MTREX: variants seen among roughly 807,000 people sequenced by gnomAD.
MTREX encodes the protein exosome RNA helicase MTR4.
Under a neutral mutation model 135.4 loss-of-function variants are expected in MTREX, and 76 were observed. That is an observed-to-expected ratio of 0.56 (90% CI 0.47 to 0.68). MTREX has a LOEUF of 0.68. Ranked by LOEUF, MTREX falls within the 30% of genes least tolerant of loss-of-function variation. The pLI is 0.00. For synonymous variants in MTREX, 404 were observed against 401.6 expected, an observed-to-expected ratio of 1.01 and a Z score of -0.07; for missense variants, 920 against 1,262.1, an observed-to-expected ratio of 0.73 and a Z score of 4.11.
At chr5:55,344,969 G>A (rs993367666) in intron 9 of MTREX, 125 bp from the exon 10 acceptor site, 2 of 638,508 alleles carry the variant, frequency 3.1e-6, no homozygotes, top group African/African-American at 1.9e-5. Flanking sequence ...ATCATGTTTG[G>A]ACTATTTTAG....
intron 5 of MTREX, among the ~76,000 whole-genome samples, chr5:55,330,100 G>A (rs968735894): frequency 6.6e-6 from 1 of 151,812 alleles, no homozygotes; most frequent in African/African-American, 2.4e-5. Flanking sequence ...TGTTTTTGAG[G>A]CAGGGTCTTG....
chr5:55,355,840 TAG>T (rs1301164942), intron 14 of MTREX, among the ~76,000 whole-genome samples: 3 of 152,142 alleles, frequency 2.0e-5, no homozygotes, highest in Non-Finnish European at 4.4e-5. Flanking sequence ...CCTTGGAATG[TAG>T]AGAGTCAGGG....
At chr5:55,382,213 G>T (rs1750406650) in intron 18 of MTREX, among the ~76,000 whole-genome samples, 2 of 151,682 alleles carry the variant, frequency 1.3e-5, no homozygotes, top group African/African-American at 4.8e-5. Flanking sequence ...TCTGTGTCTT[G>T]TGTCTTTGTT....
At chr5:55,403,599 C>G (rs1393782921) in intron 21 of MTREX, among the ~76,000 whole-genome samples, 3 of 152,178 alleles carry the variant, frequency 2.0e-5, no homozygotes, top group Non-Finnish European at 4.4e-5. Context: ...GTTATTAGCA[C>G]GATGCTTTGC....
chr5:55,370,403 C>G (rs1449855404), intron 16 of MTREX, among the ~76,000 whole-genome samples: 1 of 152,028 alleles, frequency 6.6e-6, no homozygotes, highest in Non-Finnish European at 1.5e-5. Context: ...CTTCACAGTC[C>G]CCAGCTTTTG....
Position 55,422,919 on chromosome 5 carries a change from C to T in MTREX, c.3013C>T (p.Arg1005Ter), listed in dbSNP as rs1751077178. 1.2e-6 allele frequency: 2 copies of T among 1,613,856 alleles called. No individual in the cohort carries two copies. The highest frequency in any genetic ancestry group is 1.7e-6 in the Non-Finnish European group (2 of 1,179,960). The change falls in exon 26 of 27, where the codon CGA becomes TGA. Residue 1005 changes from arginine (R) to a stop codon, truncating the protein, a stop_gained. Transcript: ENST00000230640. LOFTEE classifies it high-confidence loss of function. ...TATGAGGCGCCTGGAAGAATTGCTTCGACAAATGTGTCAAGCAGCAAAAGC... is the reference window on the plus strand; with the variant it reads ...TATGAGGCGCCTGGAAGAATTGCTTTGACAAATGTGTCAAGCAGCAAAAGC... ...RCMRRLEELL[R>*]QMCQAAKAIG...
intron 23 of MTREX, among the ~76,000 whole-genome samples, chr5:55,411,837 A>G (rs1443300365): frequency 2.0e-5 from 3 of 152,230 alleles, no homozygotes; most frequent in Non-Finnish European, 2.9e-5. Context: ...ACATTTGTCA[A>G]ACTTACTTGG....
chr5:55,393,335 C>T (rs1375129073), intron 19 of MTREX, among the ~76,000 whole-genome samples: 2 of 152,078 alleles, frequency 1.3e-5, no homozygotes, highest in Admixed American at 6.6e-5. Flanking sequence ...TTTTGGAGGT[C>T]CTTACTCCAC....
chr5:55,413,433 C>CTAT (rs1330947106), intron 23 of MTREX, among the ~76,000 whole-genome samples: 3 of 111,184 alleles, frequency 2.7e-5, no homozygotes, highest in Non-Finnish European at 5.9e-5. Context: ...TTGTACAGTA[C>CTAT]CTTTGTCAAA....
chr5:55,317,874 T>G (rs1749223715), intron 1 of MTREX, among the ~76,000 whole-genome samples: 2 of 152,206 alleles, frequency 1.3e-5, no homozygotes, highest in African/African-American at 4.8e-5. Flanking sequence ...TTGCAAACTA[T>G]GCATTTGACA....
chr5:55,323,789 T>G (rs1749326476), intron 2 of MTREX, among the ~76,000 whole-genome samples: 1 of 152,222 alleles, frequency 6.6e-6, no homozygotes, highest in South Asian at 2.1e-4. Flanking sequence ...TATTGTGTAA[T>G]GGTTTATAAC....
chr5:55,391,459 CTCTT>C, intron 19 of MTREX, among the ~76,000 whole-genome samples: 1 of 152,132 alleles, frequency 6.6e-6, no homozygotes, highest in Middle Eastern at 3.4e-3. Context: ...AAAAATCAAT[CTCTT>C]TGTCTAAAAA....
chr5:55,359,369 CT>C (rs1749972597), intron 15 of MTREX, among the ~76,000 whole-genome samples: 1 of 152,108 alleles, frequency 6.6e-6, no homozygotes, highest in African/African-American at 2.4e-5. Context: ...TAATTGCCAG[CT>C]TATTAGCTAC....
chr5:55,366,059 G>A (rs944496205), intron 15 of MTREX, among the ~76,000 whole-genome samples: 1 of 151,636 alleles, frequency 6.6e-6, no homozygotes, highest in African/African-American at 2.4e-5. Flanking sequence ...GAACTATTTT[G>A]GGTATAAACC....
chr5:55,355,710 T>C (rs1268648671), intron 14 of MTREX, among the ~76,000 whole-genome samples: 1 of 152,060 alleles, frequency 6.6e-6, no homozygotes, highest in Non-Finnish European at 1.5e-5. Context: ...GAGAAAGAAA[T>C]GTCTTGGCTG....
chr5:55,345,454 C>G (rs1434622251), intron 10 of MTREX, among the ~76,000 whole-genome samples: 4 of 152,046 alleles, frequency 2.6e-5, no homozygotes, highest in African/African-American at 9.7e-5. Context: ...CTGTCTAGTT[C>G]CAAAATATTT....
Position 55,420,473 on chromosome 5 carries a change from G to A in MTREX, c.2972-2405G>A, listed in dbSNP as rs1751037267. Among the ~76,000 whole-genome samples the A allele has an allele frequency of 2.0e-5, 3 of 152,170 alleles. No individual in the cohort carries two copies. The South Asian group carries it at 6.2e-4, about 32-fold the overall frequency. ...TTAGGTTGGTGCCAAAGTAATTGTG[G>A]TTTTTGCCATTTTTAATGGCAAGGT... On this transcript the variant is annotated intron_variant, in intron 25 of 26. Transcript: ENST00000230640.
At chr5:55,398,406 T>G (rs1025786748) in intron 20 of MTREX, among the ~76,000 whole-genome samples, 1 of 152,198 alleles carries the variant, frequency 6.6e-6, no homozygotes, top group Non-Finnish European at 1.5e-5. Context: ...TAAGCTGTGT[T>G]CCAATGGTGG....
At chr5:55,354,888 A>C (rs1379613968) in intron 14 of MTREX, among the ~76,000 whole-genome samples, 1 of 152,184 alleles carries the variant, frequency 6.6e-6, no homozygotes, top group Non-Finnish European at 1.5e-5. Flanking sequence ...GACAGCAGTC[A>C]ACCAACCGCA....
Sources: allele counts gnomAD v4.1 joint callset (sites outside exome capture counted in the v4.1 genomes callset), GRCh38; gene constraint gnomAD v4.1.1; transcripts MANE v1.5; gene names NCBI Gene and HGNC (gene_info 2026-07-23, HGNC 2026-07-21).